Variants in SGCZ observed in about 807,000 individuals in gnomAD.
SGCZ encodes the protein sarcoglycan zeta.
A neutral mutation model predicts 41.3 loss-of-function variants in SGCZ; 40 were observed. That is an observed-to-expected ratio of 0.97 (90% CI 0.75 to 1.26). The LOEUF is 1.26. Ranked by LOEUF, SGCZ falls within the 50% of genes most tolerant of loss-of-function variation. SGCZ has a pLI of 0.00. For missense variants in SGCZ, 552 were observed against 369.8 expected (o/e 1.49, Z -4.04); for synonymous variants, 206 against 137.5 (o/e 1.50, Z -3.49).
chr8:14,417,094 T>C (rs1404419195), intron 2 of SGCZ, among the ~76,000 whole-genome samples: 1 of 151,806 alleles, frequency 6.6e-6, no homozygotes, highest in African/African-American at 2.4e-5. Context: ...GGGACGTTAT[T>C]CTATGCTCAA....
intron 1 of SGCZ, among the ~76,000 whole-genome samples, chr8:15,081,351 G>C (rs1805740098): frequency 6.6e-6 from 1 of 152,030 alleles, no homozygotes; most frequent in Non-Finnish European, 1.5e-5. Flanking sequence ...TTACTTTTAA[G>C]TTTTTCTCAA....
intron 5 of SGCZ, among the ~76,000 whole-genome samples, chr8:14,152,435 G>A (rs970648718): frequency 3.3e-5 from 5 of 152,152 alleles, no homozygotes; most frequent in African/African-American, 9.7e-5. Context: ...TGGATGAGCT[G>A]GGAGGATCGC....
chr8:14,214,247 AC>A (rs1805915585), intron 4 of SGCZ, among the ~76,000 whole-genome samples: 1 of 152,138 alleles, frequency 6.6e-6, no homozygotes, highest in Non-Finnish European at 1.5e-5. Flanking sequence ...CAAAACACAA[AC>A]CAGTAATTCT....
At chr8:14,549,040 T>C (rs1803718099) in intron 2 of SGCZ, among the ~76,000 whole-genome samples, 1 of 152,100 alleles carries the variant, frequency 6.6e-6, no homozygotes, top group Admixed American at 6.6e-5. Flanking sequence ...CTGTGGTGGT[T>C]GGTAGTAATT....
At chr8:14,432,241 G>A (rs1001996551) in intron 2 of SGCZ, among the ~76,000 whole-genome samples, 1 of 152,170 alleles carries the variant, frequency 6.6e-6, no homozygotes, top group African/African-American at 2.4e-5. Flanking sequence ...GATGTTTATA[G>A]TAGCACAATT....
chr8:14,314,121 C>T (rs550289146), intron 3 of SGCZ, among the ~76,000 whole-genome samples: 2 of 152,134 alleles, frequency 1.3e-5, no homozygotes, highest in Admixed American at 6.6e-5. Context: ...GAAAAAAATA[C>T]GCAGTAAGAA....
chr8:14,971,353 A>G (rs1801291360), intron 1 of SGCZ, among the ~76,000 whole-genome samples: 2 of 152,230 alleles, frequency 1.3e-5, no homozygotes, highest in South Asian at 2.1e-4. Context: ...TGTTCCTCAT[A>G]TTAGGAGAAA....
At position 14,723,786 on chromosome 8, in the gene SGCZ, G is replaced by A. The variant is rs539227769; in HGVS notation, c.40-168860C>T. Among the ~76,000 whole-genome samples, 480 of 151,620 alleles carry A rather than the reference G, an allele frequency of 3.2e-3. 3 individuals carry two copies. Among genetic ancestry groups the A allele is most frequent in the African/African-American group, 0.011 (456 of 41,320 alleles). On this transcript the variant is annotated intron_variant, in intron 1 of 7. Coordinates refer to ENST00000382080, the MANE Select transcript of SGCZ (RefSeq NM_139167.4). ...TTTATATGAGTTTTATGTTATCTAC[G>A]TATTACATACTATATGTATATAATA... is the stretch of plus-strand genomic sequence containing the variant.
intron 2 of SGCZ, among the ~76,000 whole-genome samples, chr8:14,510,702 G>A (rs1416626441): frequency 6.6e-6 from 1 of 152,132 alleles, no homozygotes; most frequent in East Asian, 1.9e-4. Context: ...CTCCTTGATT[G>A]ACAAGGAAAA....
At chr8:14,922,465 A>AT (rs930295181) in intron 1 of SGCZ, among the ~76,000 whole-genome samples, 5 of 151,972 alleles carry the variant, frequency 3.3e-5, no homozygotes, top group African/African-American at 1.2e-4. Flanking sequence ...ATTTATTGTT[A>AT]TTTTTTGAGA....
At chr8:14,621,301 G>T (rs751053018) in intron 1 of SGCZ, among the ~76,000 whole-genome samples, 6 of 107,490 alleles carry the variant, frequency 5.6e-5, no homozygotes, top group African/African-American at 1.1e-4. Flanking sequence ...GTGGGGGGAG[G>T]GGGGAGGGAT....
chr8:14,108,784 A>G (rs1480687269), intron 5 of SGCZ, among the ~76,000 whole-genome samples: 3 of 152,204 alleles, frequency 2.0e-5, no homozygotes, highest in African/African-American at 7.2e-5. Context: ...TCTAAATGTC[A>G]TTATATTAAC....
At chr8:14,234,126 C>G (rs183158336) in intron 4 of SGCZ, among the ~76,000 whole-genome samples, 1 of 152,126 alleles carries the variant, frequency 6.6e-6, no homozygotes, top group East Asian at 1.9e-4. Context: ...CAGAAAATAT[C>G]TGTCAAATTG....
intron 1 of SGCZ, among the ~76,000 whole-genome samples, chr8:15,023,507 C>G (rs903475033): frequency 6.6e-6 from 1 of 152,172 alleles, no homozygotes; most frequent in Non-Finnish European, 1.5e-5. Context: ...TGTGGCTGTT[C>G]ATGCTACTCA....
intron 1 of SGCZ, among the ~76,000 whole-genome samples, chr8:15,093,571 T>C (rs1286216780): frequency 1.3e-5 from 2 of 152,224 alleles, no homozygotes; most frequent in Admixed American, 1.3e-4. Flanking sequence ...CAAAGTCATG[T>C]AGTGTAAACT....
chr8:15,221,571 G>A (rs1270961588), intron 1 of SGCZ, among the ~76,000 whole-genome samples: 2 of 152,064 alleles, frequency 1.3e-5, no homozygotes, highest in African/African-American at 4.8e-5. Flanking sequence ...GGGTGACACT[G>A]CCTTCCTAGG....
chr8:15,002,018 A>G (rs900549153), intron 1 of SGCZ, among the ~76,000 whole-genome samples: 2 of 152,156 alleles, frequency 1.3e-5, no homozygotes, highest in East Asian at 1.9e-4. Context: ...GCACACATAA[A>G]AGAACATAAA....
chr8:14,525,339 A>T (rs1016069721), intron 2 of SGCZ, among the ~76,000 whole-genome samples: 1 of 152,142 alleles, frequency 6.6e-6, no homozygotes, highest in Non-Finnish European at 1.5e-5. Flanking sequence ...GTGTTCCTGG[A>T]CTAAAAATAA....
At chr8:14,806,630 A>G (rs1348860153) in intron 1 of SGCZ, among the ~76,000 whole-genome samples, 1 of 152,050 alleles carries the variant, frequency 6.6e-6, no homozygotes, top group Non-Finnish European at 1.5e-5. Context: ...AGATGGATTC[A>G]CAGCCGAATT....
Sources: gnomAD v4.1 joint callset for allele counts (sites outside exome capture counted in the v4.1 genomes callset) on GRCh38, gnomAD v4.1.1 for gene constraint, MANE v1.5 for transcripts, NCBI Gene and HGNC (gene_info 2026-07-23, HGNC 2026-07-21) for gene names.